The following PALS1 variants were observed in gnomAD, a reference collection of about 807,000 sequenced individuals.
The protein encoded by PALS1 is protein associated with LIN7 1, MAGUK p55 family member, also known as protein PALS1.
In PALS1, 31 loss-of-function variants were observed where a neutral mutation model predicts 78.9. That is an observed-to-expected ratio of 0.39 (90% CI 0.30 to 0.53). The LOEUF (loss-of-function observed/expected upper bound fraction) is 0.53. PALS1 is among the 20% of genes least tolerant of loss of function. The pLI is 0.67. For synonymous variants in PALS1, 276 were observed against 270.9 expected (o/e 1.02, Z -0.18); for missense variants, 704 against 826.5 (o/e 0.85, Z 1.82).
rs2084787095 is a variant in PALS1 at position 67,292,497 on chromosome 14, TC to T, written c.368-13del. ...AAACAGTTAATTTTTGGATACCTTT[TC>T]TTCTTCTACTAGAAATAGAAGACTT... is the stretch of plus-strand genomic sequence containing the variant. On this transcript the variant is annotated splice_polypyrimidine_tract_variant and intron_variant, in intron 3 of 14. Coordinates refer to ENST00000261681, the MANE Select transcript of PALS1 (RefSeq NM_022474.4). 3.8e-6 allele frequency: 6 copies of T among 1,559,792 alleles called. No individual in the cohort carries two copies. Among genetic ancestry groups the T allele is most frequent in the Non-Finnish European group, 5.3e-6 (6 of 1,133,302 alleles).
Position 67,330,868 on chromosome 14 carries a change from G to C in PALS1, c.1852-1912G>C, listed in dbSNP as rs907970861. Among the ~76,000 whole-genome samples, 50 of 152,310 alleles carry C rather than the reference G, an allele frequency of 3.3e-4. 1 individual carries two copies. The highest frequency in any genetic ancestry group is 1.2e-3 in the African/African-American group (50 of 41,576). On this transcript the variant is annotated intron_variant, in intron 14 of 14. Coordinates refer to ENST00000261681, the MANE Select transcript of PALS1 (RefSeq NM_022474.4). Reference sequence around the variant, plus strand: ...ACTGATTTATAATTCCAGGTGGTCAGACCCTGAAAGATGTCAGTCTTTTCA... The same window carrying C: ...ACTGATTTATAATTCCAGGTGGTCACACCCTGAAAGATGTCAGTCTTTTCA...
chr14:67,312,404 G>A (rs1170025469), intron 8 of PALS1, 123 bp from the exon 9 acceptor site: 2 of 622,364 alleles, frequency 3.2e-6, no homozygotes, highest in Non-Finnish European at 5.0e-6. Flanking sequence ...ATACTGAGAT[G>A]CTGTCTCTAT....
At chr14:67,311,321 A>G (rs1478522144) in intron 8 of PALS1, among the ~76,000 whole-genome samples, 5 of 151,998 alleles carry the variant, frequency 3.3e-5, no homozygotes, top group Non-Finnish European at 7.4e-5. Context: ...AAAAAAAAAA[A>G]AAAAAAAAAG....
intron 1 of PALS1, among the ~76,000 whole-genome samples, chr14:67,255,664 A>G (rs1421525879): frequency 6.6e-6 from 1 of 152,092 alleles, no homozygotes; most frequent in Admixed American, 6.6e-5. Flanking sequence ...AGAACGCTTG[A>G]AAGAGTTTTG....
intron 2 of PALS1, among the ~76,000 whole-genome samples, chr14:67,272,731 T>G (rs1321202677): frequency 6.6e-6 from 1 of 152,208 alleles, no homozygotes; most frequent in Non-Finnish European, 1.5e-5. Context: ...CGATCTTGGC[T>G]CACTACAACC....
intron 6 of PALS1, 53 bp downstream of exon 6, chr14:67,302,171 G>A: frequency 6.6e-7 from 1 of 1,509,524 alleles, no homozygotes; most frequent in South Asian, 1.4e-5. Context: ...GCTGTTGTGT[G>A]CTTCAAAAGT....
intron 2 of PALS1, among the ~76,000 whole-genome samples, chr14:67,277,262 G>T (rs1336644995): frequency 1.5e-5 from 2 of 137,286 alleles, no homozygotes; most frequent in African/African-American, 5.5e-5. Flanking sequence ...CAGTTAGAAA[G>T]AAGTCAAAAT....
intron 1 of PALS1, chr14:67,254,371 C>G (rs1372781294): frequency 6.6e-6 from 1 of 151,866 alleles, no homozygotes; most frequent in Non-Finnish European, 1.5e-5. Flanking sequence ...TATAGATTGA[C>G]CTTTTATTCT....
In PALS1 at chr14:67,311,413, C is replaced by G. The variant is rs538790769; in HGVS notation, c.1042-1114C>G. On this transcript the variant is annotated intron_variant, in intron 8 of 14. Transcript: ENST00000261681. ...TTTTGCTTGGTTCGTTGAGCCTGAA[C>G]TTGGAATTTAACCTATGTGTGACAG... Among the ~76,000 whole-genome samples, 136 of 150,892 alleles carry G rather than the reference C, an allele frequency of 9.0e-4. 1 individual carries two copies. The highest frequency in any genetic ancestry group is 4.0e-3 in the South Asian group (19 of 4,748).
At chr14:67,266,810 A>G (rs1235524541) in intron 1 of PALS1, among the ~76,000 whole-genome samples, 1 of 152,058 alleles carries the variant, frequency 6.6e-6, no homozygotes, top group African/African-American at 2.4e-5. Flanking sequence ...GTTATCTTTT[A>G]AAAAAACTTC....
intron 1 of PALS1, among the ~76,000 whole-genome samples, chr14:67,259,880 G>GA (rs33951454): frequency 0.022 from 2,506 of 111,920 alleles, 31 homozygotes; most frequent in Non-Finnish European, 0.035. Flanking sequence ...CTCCATCTAA[G>GA]AAAAAAAAAA....
chr14:67,257,827 C>CT (rs1202950732), intron 1 of PALS1, among the ~76,000 whole-genome samples: 2 of 152,086 alleles, frequency 1.3e-5, no homozygotes, highest in African/African-American at 2.4e-5. Context: ...GAACTGTTTG[C>CT]TTTTTTTAAA....
In PALS1 at chr14:67,279,131, A is replaced by T. The variant is rs774190117; in HGVS notation, c.-40A>T. On this transcript the variant is annotated 5_prime_UTR_variant, in exon 3 of 15. Transcript: ENST00000261681. ...TCAAGAGAATTGGCTTATAGGAAAA[A>T]TTGATTTATAAAAAGTGGTACAGGT... 6.7e-7 allele frequency: 1 copy of T among 1,500,382 alleles called. No individual in the cohort carries two copies. 92.9% of individuals were successfully genotyped at this position (1,500,382 alleles called of 1,614,324 possible).
At position 67,333,094 on chromosome 14, in the gene PALS1, GA is replaced by G; in HGVS notation, c.*140del. On this transcript the variant is annotated 3_prime_UTR_variant, in exon 15 of 15. Transcript: ENST00000261681. ...CTGTAGATCTGTTCTTAGATCTCTT[GA>G]ATTAGTGAGACGACAGTTCCCTTAG... 1.5e-6 allele frequency: 1 copy of G among 689,156 alleles called. No homozygotes were observed. 42.7% of individuals were successfully genotyped at this position (689,156 alleles called of 1,614,324 possible).
chr14:67,312,444 A>T, intron 8 of PALS1, 83 bp from the exon 9 acceptor site: 2 of 1,005,816 alleles, frequency 2.0e-6, no homozygotes, highest in Non-Finnish European at 2.7e-6. Flanking sequence ...AAAATAATAA[A>T]AAATTTGTAG....
chr14:67,279,549 T>TA lies in PALS1; in HGVS notation c.367+13dup. The TA allele has an allele frequency of 1.3e-6, 2 of 1,517,454 alleles. No individual in the cohort carries two copies. Among genetic ancestry groups the TA allele is most frequent in the Non-Finnish European group, 1.8e-6 (2 of 1,135,922 alleles). The allele number at this position is 1,517,454 out of a possible 1,614,324, so 94.0% of individuals were successfully genotyped here. ...TGTGAAAATATTAGGTAAGTAAAAA[T>TA]AGAGGTATAACAGAAAACATTTTGC... On this transcript the variant is annotated intron_variant, in intron 3 of 14. Coordinates refer to ENST00000261681, the MANE Select transcript of PALS1 (RefSeq NM_022474.4).
chr14:67,259,982 T>G (rs1201202179), intron 1 of PALS1, among the ~76,000 whole-genome samples: 1 of 152,214 alleles, frequency 6.6e-6, no homozygotes, highest in Non-Finnish European at 1.5e-5. Context: ...CTACCAGAAT[T>G]TATAGTTTTT....
chr14:67,330,066 G>T (rs185871419), intron 14 of PALS1, among the ~76,000 whole-genome samples: 2 of 149,638 alleles, frequency 1.3e-5, no homozygotes, highest in African/African-American at 4.9e-5. Flanking sequence ...TGGTAAGAGA[G>T]AATATATGCC....
chr14:67,277,186 A>C (rs2084520024), intron 2 of PALS1, among the ~76,000 whole-genome samples: 1 of 152,224 alleles, frequency 6.6e-6, no homozygotes, highest in Non-Finnish European at 1.5e-5. Flanking sequence ...ACAAAAATCA[A>C]ATAGCTGTCA....
Sources: gnomAD v4.1 joint callset for allele counts (sites outside exome capture counted in the v4.1 genomes callset) on GRCh38, gnomAD v4.1.1 for gene constraint, MANE v1.5 for transcripts, NCBI Gene and HGNC (gene_info 2026-07-23, HGNC 2026-07-21) for gene names.